Variants in EYS observed in about 807,000 individuals in gnomAD.
EYS encodes protein eyes shut homolog.
Under a neutral mutation model 282.1 loss-of-function variants are expected in EYS, and 250 were observed. The observed-to-expected ratio is 0.89, with a 90% CI of 0.80 to 0.98. The LOEUF (loss-of-function observed/expected upper bound fraction) is 0.98. EYS is among the 50% of genes least tolerant of loss of function. The pLI is 0.00. For missense variants in EYS, 4,016 were observed against 3,709.0 expected (o/e 1.08, Z -2.15); for synonymous variants, 1,355 against 1,282.9 (o/e 1.06, Z -1.20).
chr6:64,767,873 G>C lies in EYS; in HGVS notation c.3443+45505C>G, dbSNP rs1004288400. Among the ~76,000 whole-genome samples, 8 of 152,120 alleles carry C rather than the reference G, an allele frequency of 5.3e-5. No individual in the cohort carries two copies. The South Asian group carries it at 1.7e-3, about 32-fold the overall frequency. On this transcript the variant is annotated intron_variant, in intron 22 of 42. Transcript: ENST00000503581. The stretch of plus-strand genomic sequence containing the variant: ...AGGAACCTCCATATTTTTCTCCATA[G>C]TGACTACACTGGTTTACATTTCCAT...
At chr6:63,851,031 T>C (rs1772233998) in intron 36 of EYS, among the ~76,000 whole-genome samples, 1 of 152,188 alleles carries the variant, frequency 6.6e-6, no homozygotes, top group South Asian at 2.1e-4. Context: ...AATCCTAGTC[T>C]CTGATAAAAC....
chr6:65,573,293 G>A (rs1175855363), intron 2 of EYS, among the ~76,000 whole-genome samples: 3 of 152,112 alleles, frequency 2.0e-5, no homozygotes, highest in Non-Finnish European at 2.9e-5. Flanking sequence ...ATCAGAATAC[G>A]CAAGATGTCA....
At chr6:65,317,825 C>CTTTCTTTCTTTCTTT (rs1769342463) in intron 11 of EYS, among the ~76,000 whole-genome samples, 2 of 81,258 alleles carry the variant, frequency 2.5e-5, no homozygotes, top group African/African-American at 1.0e-4. Context: ...TTCCTTCCTT[C>CTTTCTTTCTTTCTTT]CTTTCTTTCT....
In EYS at chr6:64,102,149, T is replaced by G. The variant is rs199971933; in HGVS notation, c.6425-20147A>C. The stretch of plus-strand genomic sequence containing the variant: ...CTAGGAACCCCTGGTCTATGCCACT[T>G]GTAGATAATTTAAAGAATTGAATGT... On this transcript the variant is annotated intron_variant, in intron 31 of 42. Transcript: ENST00000503581. 4.5e-4 allele frequency among the ~76,000 whole-genome samples: 69 copies of G among 152,290 alleles called. No individual in the cohort carries two copies. In the East Asian group the frequency reaches 0.012, roughly 27 times the overall value.
intron 5 of EYS, among the ~76,000 whole-genome samples, chr6:65,434,545 C>G (rs1768003508): frequency 6.6e-6 from 1 of 152,148 alleles, no homozygotes; most frequent in Non-Finnish European, 1.5e-5. Flanking sequence ...CGGTTTCGAT[C>G]TCCTCACCTT....
At chr6:65,407,761 GTGTGTGTGTGTGTGTGTGTGTGTGTA>G (rs975019599) in intron 5 of EYS, among the ~76,000 whole-genome samples, 1 of 150,656 alleles carries the variant, frequency 6.6e-6, no homozygotes, top group African/African-American at 2.5e-5. Context: ...GTGTGTGTGT[GTGTGTGTGTGTGTGTGTGTGTGTGTA>G]TGTCTAACAA....
chr6:65,654,637 C>G (rs997751478), intron 1 of EYS, among the ~76,000 whole-genome samples: 1 of 151,684 alleles, frequency 6.6e-6, no homozygotes, highest in Non-Finnish European at 1.5e-5. Context: ...ACAGAGACAT[C>G]CCTATACCAG....
intron 30 of EYS, among the ~76,000 whole-genome samples, chr6:64,287,430 T>C (rs1199895954): frequency 6.6e-6 from 1 of 152,186 alleles, no homozygotes; most frequent in Admixed American, 6.6e-5. Flanking sequence ...AATATACATA[T>C]GGTATACTGA....
intron 12 of EYS, among the ~76,000 whole-genome samples, chr6:65,210,934 AC>A (rs1222702171): frequency 5.4e-5 from 4 of 74,226 alleles, no homozygotes; most frequent in African/African-American, 1.5e-4. Flanking sequence ...TCGTACAAAC[AC>A]ACACACACAC....
intron 35 of EYS, among the ~76,000 whole-genome samples, chr6:63,888,221 C>G (rs1773315804): frequency 6.6e-6 from 1 of 152,248 alleles, no homozygotes; most frequent in South Asian, 2.1e-4. Context: ...CTTCAGCAGA[C>G]TTATACATTC....
chr6:64,507,897 C>A (rs1777263018), intron 26 of EYS, among the ~76,000 whole-genome samples: 1 of 152,126 alleles, frequency 6.6e-6, no homozygotes, highest in African/African-American at 2.4e-5. Flanking sequence ...AGAATGGACT[C>A]ACAGGCAAGT....
At chr6:65,513,562 T>A (rs572750207) in intron 2 of EYS, among the ~76,000 whole-genome samples, 11 of 152,224 alleles carry the variant, frequency 7.2e-5, no homozygotes, top group Admixed American at 7.2e-4. Context: ...GCAAACCAAA[T>A]CCAGCAGCAC....
At chr6:64,498,198 T>C (rs1049548773) in intron 26 of EYS, among the ~76,000 whole-genome samples, 1 of 152,142 alleles carries the variant, frequency 6.6e-6, no homozygotes, top group Non-Finnish European at 1.5e-5. Flanking sequence ...GTGATTCATA[T>C]ATTTAACTTG....
rs61516922 is a variant in EYS at position 64,792,857 on chromosome 6, C to CGTGTGTGTGTGT, written c.3443+20509_3443+20520dup. 2.7e-3 allele frequency among the ~76,000 whole-genome samples: 404 copies of CGTGTGTGTGTGT among 148,424 alleles called. 4 individuals are homozygous for CGTGTGTGTGTGT. Among genetic ancestry groups the CGTGTGTGTGTGT allele is most frequent in the Middle Eastern group, 0.014 (4 of 288 alleles). The stretch of plus-strand genomic sequence containing the variant: ...GTTTTAATTTCATACGATCTTGACA[C>CGTGTGTGTGTGT]GTGTGTGTGTGTGTGTGTGTTAGAT... On this transcript the variant is annotated intron_variant, in intron 22 of 42. Transcript: ENST00000503581.
intron 1 of EYS, among the ~76,000 whole-genome samples, chr6:65,677,124 A>G (rs1018952285): frequency 1.9e-4 from 26 of 139,290 alleles, no homozygotes; most frequent in Admixed American, 2.1e-4. Flanking sequence ...AAAAAAAAAA[A>G]AAAGAAAGAA....
At chr6:64,734,677 TA>T (rs1381030462) in intron 22 of EYS, among the ~76,000 whole-genome samples, 1 of 152,160 alleles carries the variant, frequency 6.6e-6, no homozygotes, top group Non-Finnish European at 1.5e-5. Context: ...AAATTCTACC[TA>T]AAACTACACT....
chr6:64,107,060 T>C (rs1773038893), intron 31 of EYS, among the ~76,000 whole-genome samples: 1 of 151,170 alleles, frequency 6.6e-6, no homozygotes, highest in South Asian at 2.1e-4. Flanking sequence ...TTATTACTAC[T>C]ATCTGTTCTT....
At chr6:64,562,520 T>C (rs73764807) in intron 26 of EYS, among the ~76,000 whole-genome samples, 4,230 of 151,946 alleles carry the variant, frequency 0.028, 126 homozygotes, top group East Asian at 0.11. Context: ...AAAAATTTGG[T>C]TTTCTCATTT....
intron 9 of EYS, among the ~76,000 whole-genome samples, chr6:65,348,347 A>G (rs1770478133): frequency 6.6e-6 from 1 of 151,744 alleles, no homozygotes; most frequent in South Asian, 2.1e-4. Flanking sequence ...TTACATTCCC[A>G]CCAACAGTGT....
Sources: allele counts gnomAD v4.1 joint callset (sites outside exome capture counted in the v4.1 genomes callset), GRCh38; gene constraint gnomAD v4.1.1; transcripts MANE v1.5; gene names NCBI Gene and HGNC (gene_info 2026-07-23, HGNC 2026-07-21).